The following SLC9A9 variants were observed in gnomAD, a reference collection of about 807,000 sequenced individuals.
The protein encoded by SLC9A9 is sodium/hydrogen exchanger 9.
Under a neutral mutation model 77.8 loss-of-function variants are expected in SLC9A9, and 62 were observed. The observed-to-expected ratio is 0.80, with a 90% CI of 0.65 to 0.98. The LOEUF is 0.98. Among genes scored for constraint, SLC9A9 ranks in the 50% least tolerant of loss-of-function variants. The pLI is 0.00. For synonymous variants in SLC9A9, 320 were observed against 283.5 expected (o/e 1.13, Z -1.29); for missense variants, 775 against 774.9 (o/e 1.00, Z 0.00).
At chr3:143,421,980 A>G (rs2034304985) in intron 12 of SLC9A9, among the ~76,000 whole-genome samples, 2 of 152,244 alleles carry the variant, frequency 1.3e-5, no homozygotes, top group Admixed American at 1.3e-4. Flanking sequence ...CAATAAACAT[A>G]TGAAAAAATG....
At chr3:143,788,460 G>T (rs1337887896) in intron 4 of SLC9A9, among the ~76,000 whole-genome samples, 1 of 152,168 alleles carries the variant, frequency 6.6e-6, no homozygotes, top group Non-Finnish European at 1.5e-5. Flanking sequence ...GGAGGCCAAG[G>T]TGGGTGGATC....
intron 2 of SLC9A9, among the ~76,000 whole-genome samples, chr3:143,831,549 TGTTG>T (rs2009433760): frequency 6.6e-6 from 1 of 152,192 alleles, no homozygotes; most frequent in Non-Finnish European, 1.5e-5. Context: ...CAGTGTTTTG[TGTTG>T]GTAGCCAAAA....
intron 12 of SLC9A9, among the ~76,000 whole-genome samples, chr3:143,458,621 T>G (rs542683320): frequency 6.6e-6 from 1 of 152,194 alleles, no homozygotes; most frequent in African/African-American, 2.4e-5. Flanking sequence ...GATCTACAAA[T>G]TACAGTATGA....
chr3:143,430,572 T>C (rs2034495040), intron 12 of SLC9A9, among the ~76,000 whole-genome samples: 1 of 152,126 alleles, frequency 6.6e-6, no homozygotes, highest in Admixed American at 6.5e-5. Flanking sequence ...ATAGCCATAG[T>C]GGAGAGTGGG....
intron 9 of SLC9A9, chr3:143,518,376 A>T: frequency 1.6e-6 from 1 of 608,632 alleles, no homozygotes; most frequent in Non-Finnish European, 2.9e-6. Context: ...AGTAGATATT[A>T]TGGAATGTTT....
In SLC9A9 at chr3:143,527,394, G is replaced by A. The variant is rs557907717; in HGVS notation, c.1089+24968C>T. Reference sequence around the variant, plus strand: ...TTTTTTATTATTAGAATTTTCTAATGGTTCAGGAGAGTAAAAATTAGATAA... The same window carrying A: ...TTTTTTATTATTAGAATTTTCTAATAGTTCAGGAGAGTAAAAATTAGATAA... On this transcript the variant is annotated intron_variant, in intron 9 of 15. Coordinates refer to ENST00000316549, the MANE Select transcript of SLC9A9 (RefSeq NM_173653.4). Among the ~76,000 whole-genome samples, 18 of 152,242 alleles carry A rather than the reference G, an allele frequency of 1.2e-4. No homozygotes were observed. In the East Asian group the frequency reaches 3.5e-3, roughly 29 times the overall value.
rs543371793 is a variant in SLC9A9, at chr3:143,750,737, A to C, written c.533+44264T>G. Among the ~76,000 whole-genome samples the C allele has an allele frequency of 5.1e-3, 747 of 147,854 alleles. 3 individuals are homozygous for C. Among genetic ancestry groups the C allele is most frequent in the African/African-American group, 0.018 (718 of 40,756 alleles). ...AAAATGCTGTTAAATATATATCTAT[A>C]TATATATATATACATATATAATTAT... On this transcript the variant is annotated intron_variant, in intron 4 of 15. Transcript: ENST00000316549.
chr3:143,443,761 A>G (rs2034793430), intron 12 of SLC9A9, among the ~76,000 whole-genome samples: 1 of 152,214 alleles, frequency 6.6e-6, no homozygotes, highest in Non-Finnish European at 1.5e-5. Context: ...TTATGTTCCC[A>G]ACAATTCTTT....
chr3:143,606,581 A>T (rs1288388267), intron 6 of SLC9A9, among the ~76,000 whole-genome samples: 1 of 150,572 alleles, frequency 6.6e-6, no homozygotes. Flanking sequence ...ACTGCATTTA[A>T]ATAATTAAAA....
chr3:143,734,440 G>C (rs1325458482), intron 4 of SLC9A9, among the ~76,000 whole-genome samples: 1 of 152,058 alleles, frequency 6.6e-6, no homozygotes, highest in African/African-American at 2.4e-5. Context: ...GAGGTGATAG[G>C]TAAGTAGACC....
chr3:143,834,798 T>G (rs553393936), intron 1 of SLC9A9, among the ~76,000 whole-genome samples: 185 of 152,160 alleles, frequency 1.2e-3, no homozygotes, highest in Non-Finnish European at 9.7e-4. Flanking sequence ...CACATTGAAG[T>G]GAACAGAGGA....
At chr3:143,742,211 T>C (rs1839040) in intron 4 of SLC9A9, among the ~76,000 whole-genome samples, 130,499 of 152,036 alleles carry the variant, frequency 0.86, 56,551 homozygotes, top group East Asian at 1. Context: ...AAGAAGACAG[T>C]TCGAACTCCC....
chr3:143,835,322 G>C (rs2009542105), intron 1 of SLC9A9, among the ~76,000 whole-genome samples: 1 of 152,168 alleles, frequency 6.6e-6, no homozygotes, highest in Non-Finnish European at 1.5e-5. Context: ...AAACCCCAAG[G>C]GTTGAGAAGA....
intron 14 of SLC9A9, among the ~76,000 whole-genome samples, chr3:143,306,167 C>G (rs1212838320): frequency 6.6e-6 from 1 of 152,170 alleles, no homozygotes; most frequent in Non-Finnish European, 1.5e-5. Flanking sequence ...AATGCACCAT[C>G]AGGGAGGCAG....
chr3:143,675,941 C>T (rs561197882), intron 5 of SLC9A9, among the ~76,000 whole-genome samples: 5 of 152,200 alleles, frequency 3.3e-5, no homozygotes, highest in African/African-American at 9.6e-5. Flanking sequence ...AATTTTACAA[C>T]GCAGTACAGA....
At chr3:143,724,481 C>G (rs78809376) in intron 4 of SLC9A9, among the ~76,000 whole-genome samples, 3,295 of 152,284 alleles carry the variant, frequency 0.022, 144 homozygotes, top group African/African-American at 0.074. Flanking sequence ...CCATTTCATT[C>G]CCTGTTTGAG....
At chr3:143,395,191 T>A (rs1471319170) in intron 12 of SLC9A9, among the ~76,000 whole-genome samples, 7 of 152,164 alleles carry the variant, frequency 4.6e-5, no homozygotes, top group Admixed American at 4.6e-4. Context: ...CTACATGACT[T>A]CAAACTATAC....
At chr3:143,331,837 G>C (rs181184364) in intron 14 of SLC9A9, among the ~76,000 whole-genome samples, 3 of 152,240 alleles carry the variant, frequency 2.0e-5, no homozygotes. Context: ...GACAAAATCA[G>C]TTATAGGAAA....
chr3:143,801,598 C>T (rs1311386526), intron 2 of SLC9A9, among the ~76,000 whole-genome samples: 1 of 152,134 alleles, frequency 6.6e-6, no homozygotes, highest in Non-Finnish European at 1.5e-5. Flanking sequence ...CACCCCATTT[C>T]CCCATGTTTC....
Sources: allele counts gnomAD v4.1 joint callset (sites outside exome capture counted in the v4.1 genomes callset), GRCh38; gene constraint gnomAD v4.1.1; transcripts MANE v1.5; gene names NCBI Gene and HGNC (gene_info 2026-07-23, HGNC 2026-07-21).